UNC13B: variants seen among roughly 807,000 people sequenced by gnomAD.
The protein encoded by UNC13B is protein unc-13 homolog B.
UNC13B carries 144 observed loss-of-function variants against 211.0 expected under a neutral mutation model. The observed-to-expected ratio is 0.68, with a 90% CI of 0.60 to 0.78. The LOEUF (loss-of-function observed/expected upper bound fraction) is 0.78, where lower values mean the gene tolerates loss of function less well. UNC13B is among the 30% of genes least tolerant of loss of function. The pLI is 0.00. For synonymous variants in UNC13B, 709 were observed against 725.8 expected (o/e 0.98, Z 0.37); for missense variants, 1,777 against 2,002.0 (o/e 0.89, Z 2.14).
intron 11 of UNC13B, among the ~76,000 whole-genome samples, chr9:35,329,663 A>AT (rs1831255907): frequency 6.6e-6 from 1 of 151,448 alleles, no homozygotes; most frequent in South Asian, 2.1e-4. Flanking sequence ...AATTTTTTAT[A>AT]TTTTTTGTGG....
intron 1 of UNC13B, among the ~76,000 whole-genome samples, chr9:35,177,530 A>G (rs550505703): frequency 2.0e-4 from 31 of 152,350 alleles, no homozygotes; most frequent in Non-Finnish European, 2.4e-4. Context: ...CATAAAGTTG[A>G]TGAGAATTAC....
At position 35,218,555 on chromosome 9, in the gene UNC13B, T is replaced by TTTAA. The variant is rs1255212753; in HGVS notation, c.23-9445_23-9442dup. ...TCCATTTTTATTTATTATTATTATTTTTAATTAATTAATTAATTTTTTGTA... is the reference window on the plus strand; with the variant it reads ...TCCATTTTTATTTATTATTATTATTTTTAATTAATTAATTAATTAATTTTTTGTA... On this transcript the variant is annotated intron_variant, in intron 1 of 39. Transcript: ENST00000635942. Among the ~76,000 whole-genome samples the TTTAA allele has an allele frequency of 4.6e-5, 7 of 151,702 alleles. No homozygotes were observed. In the East Asian group the frequency reaches 1.4e-3, roughly 29 times the overall value.
In UNC13B at chr9:35,308,055, C is replaced by A; in HGVS notation, c.8651C>A (p.Ser2884Tyr). The A allele has an allele frequency of 7.5e-6, 3 of 399,186 alleles. No individual in the cohort carries two copies. The highest frequency in any genetic ancestry group is 1.3e-5 in the Non-Finnish European group (3 of 226,222). 24.7% of individuals were successfully genotyped at this position (399,186 alleles called of 1,614,324 possible). A position where few individuals can be genotyped will look rare whatever the true frequency, so the allele number is the denominator to read the frequency against. The change falls in exon 9 of 40, where the codon TCT (serine) becomes TAT (tyrosine). Residue 2884 changes from serine (S) to tyrosine (Y), a missense_variant. Coordinates refer to ENST00000635942, the MANE Select transcript of UNC13B (RefSeq NM_001371189.2). ...NSSEANKALKSSQISGASAQP... is the reference protein window; with the variant it reads ...NSSEANKALKYSQISGASAQP... ...AGTGAGGCTAACAAAGCTTTGAAGT[C>A]TTCTCAAATATCTGGGGCCAGTGCT...
intron 21 of UNC13B, 104 bp downstream of exon 21, chr9:35,382,611 G>A (rs996737700): frequency 2.6e-5 from 36 of 1,375,008 alleles, no homozygotes; most frequent in Non-Finnish European, 3.4e-5. Flanking sequence ...TGCCCAGGCT[G>A]GAGTACAGTG....
At chr9:35,205,775 A>C (rs541341324) in intron 1 of UNC13B, among the ~76,000 whole-genome samples, 29 of 152,296 alleles carry the variant, frequency 1.9e-4, no homozygotes, top group South Asian at 4.1e-4. Context: ...TGGGTATACT[A>C]TAATTTGTTT....
At chr9:35,400,240 GGGA>G (rs1463010318) in intron 36 of UNC13B, 53 bp from the exon 37 acceptor site, 1 of 1,592,754 alleles carries the variant, frequency 6.3e-7, no homozygotes, top group Admixed American at 1.7e-5. Flanking sequence ...GACAATGTTG[GGGA>G]GCTGCTTTCT....
chr9:35,286,452 C>T (rs1379765110), intron 7 of UNC13B, among the ~76,000 whole-genome samples: 2 of 151,758 alleles, frequency 1.3e-5, no homozygotes, highest in African/African-American at 2.4e-5. Flanking sequence ...AGGCTGGTCT[C>T]GAACTCCTGA....
intron 11 of UNC13B, chr9:35,353,493 T>C (rs1832846476): frequency 8.1e-7 from 1 of 1,231,992 alleles, no homozygotes; most frequent in African/African-American, 1.6e-5. Context: ...TTGCTCAGTG[T>C]GGTCTCTGGT....
At chr9:35,354,386 CTTGCTGACACAGAACCTTATTTCTGAT>C (rs1357244289) in intron 11 of UNC13B, among the ~76,000 whole-genome samples, 3 of 152,278 alleles carry the variant, frequency 2.0e-5, no homozygotes, top group Admixed American at 2.0e-4. Flanking sequence ...TAGTACCTGA[CTTGCTGACACAGAACCTTATTTCTGAT>C]TTGGGGCATC....
chr9:35,392,096 C>T (rs183075304), intron 26 of UNC13B, among the ~76,000 whole-genome samples: 1 of 152,276 alleles, frequency 6.6e-6, no homozygotes, highest in East Asian at 1.9e-4. Context: ...TATGAGCTCC[C>T]ATTTTCTCAT....
At chr9:35,360,103 GCTT>G (rs1482134188) in intron 11 of UNC13B, among the ~76,000 whole-genome samples, 1 of 152,142 alleles carries the variant, frequency 6.6e-6, no homozygotes, top group Non-Finnish European at 1.5e-5. Flanking sequence ...ACTCCAAATG[GCTT>G]CTTTACTCAT....
intron 3 of UNC13B, among the ~76,000 whole-genome samples, chr9:35,233,780 C>T (rs1397288254): frequency 6.6e-6 from 1 of 151,886 alleles, no homozygotes; most frequent in Non-Finnish European, 1.5e-5. Context: ...TTTGTGTAGC[C>T]CAGAGTCTGC....
In UNC13B at chr9:35,304,263, A is replaced by G; in HGVS notation, c.4859A>G (p.Glu1620Gly). The G allele has an allele frequency of 5.0e-6, 2 of 398,772 alleles. No homozygotes were observed. The highest frequency in any genetic ancestry group is 4.4e-6 in the Non-Finnish European group (1 of 225,894). 24.7% of individuals were successfully genotyped at this position (398,772 alleles called of 1,614,324 possible). A position where few individuals can be genotyped will look rare whatever the true frequency, so the allele number is the denominator to read the frequency against. Residue 1620 changes from glutamate (E) to glycine (G), a missense_variant, in exon 9 of 40, where the codon GAG (glutamate) becomes GGG (glycine). Physicochemically the swap from Glu to Gly is moderately conservative, Grantham distance 98. Coordinates refer to ENST00000635942, the MANE Select transcript of UNC13B (RefSeq NM_001371189.2). ...TTATCTTTAGCTTTGCCAAGAAGTGAGGAACCATTGTATCTAAATTTAGAA... is the reference window on the plus strand; with the variant it reads ...TTATCTTTAGCTTTGCCAAGAAGTGGGGAACCATTGTATCTAAATTTAGAA... ...LDLSLALPRS[E>G]EPLYLNLETF... is the part of the protein sequence containing the mutation.
At chr9:35,261,448 G>C (rs1428113189) in intron 7 of UNC13B, among the ~76,000 whole-genome samples, 2 of 151,780 alleles carry the variant, frequency 1.3e-5, no homozygotes, top group Non-Finnish European at 2.9e-5. Context: ...TATTTTGAAA[G>C]CTTTTTTTAT....
chr9:35,386,049 G>A, intron 23 of UNC13B, 116 bp from the exon 24 acceptor site: 1 of 1,521,452 alleles, frequency 6.6e-7, no homozygotes, highest in South Asian at 1.3e-5. Context: ...ACAGGGAAAA[G>A]TCTAGGGACC....
At chr9:35,204,367 C>A (rs1823520331) in intron 1 of UNC13B, among the ~76,000 whole-genome samples, 1 of 152,210 alleles carries the variant, frequency 6.6e-6, no homozygotes, top group Admixed American at 6.5e-5. Flanking sequence ...CACACTGGGG[C>A]ACTGCCTAGT....
chr9:35,202,583 G>A (rs1185417560), intron 1 of UNC13B, among the ~76,000 whole-genome samples: 1 of 152,046 alleles, frequency 6.6e-6, no homozygotes, highest in Non-Finnish European at 1.5e-5. Context: ...TTGTTGAATT[G>A]ATCCCTTTAC....
Position 35,405,210 on chromosome 9 carries a change from A to G in UNC13B, c.*1177A>G, listed in dbSNP as rs1189210990. ...CTCCTGGACTTCCTGAGGACTCGAC[A>G]TTGTCCACAGATGTACTGGCCATTA... On this transcript the variant is annotated 3_prime_UTR_variant, in exon 40 of 40. Coordinates refer to ENST00000635942, the MANE Select transcript of UNC13B (RefSeq NM_001371189.2). The G allele has an allele frequency of 6.6e-6, 1 of 152,630 alleles. No individual in the cohort carries two copies. Among genetic ancestry groups the G allele is most frequent in the Non-Finnish European group, 1.5e-5 (1 of 68,042 alleles). The allele number at this position is 152,630 out of a possible 1,614,324, so 9.5% of individuals were successfully genotyped here.
chr9:35,262,974 C>T (rs1224153558), intron 7 of UNC13B, among the ~76,000 whole-genome samples: 1 of 152,050 alleles, frequency 6.6e-6, no homozygotes, highest in Non-Finnish European at 1.5e-5. Context: ...AAAACTTTGC[C>T]TTTTTGGTCA....
Sources: allele counts gnomAD v4.1 joint callset (sites outside exome capture counted in the v4.1 genomes callset), GRCh38; gene constraint gnomAD v4.1.1; transcripts MANE v1.5; gene names NCBI Gene and HGNC (gene_info 2026-07-23, HGNC 2026-07-21).